The following DENND5A variants were observed in gnomAD, a reference collection of about 807,000 sequenced individuals.
DENND5A encodes the protein DENN domain containing 5A.
In DENND5A, 64 loss-of-function variants were observed where a neutral mutation model predicts 140.3. The ratio of observed to expected loss-of-function variants is 0.46; its 90% CI spans 0.37 to 0.56. The LOEUF (loss-of-function observed/expected upper bound fraction) is 0.56, where lower values mean the gene tolerates loss of function less well. Among genes scored for constraint, DENND5A ranks in the 20% least tolerant of loss-of-function variants. The pLI, the probability that DENND5A is intolerant of heterozygous loss-of-function variation, is 0.00. For missense variants in DENND5A, 1,292 were observed against 1,593.8 expected (o/e 0.81, Z 3.22); for synonymous variants, 605 against 607.7 (o/e 1.00, Z 0.07).
intron 1 of DENND5A, among the ~76,000 whole-genome samples, chr11:9,240,616 G>C (rs1433229472): frequency 1.3e-5 from 2 of 151,972 alleles, no homozygotes; most frequent in Non-Finnish European, 2.9e-5. Flanking sequence ...ACGATGAGGT[G>C]GGAGGATCAC....
chr11:9,144,418 T>C lies in DENND5A; in HGVS notation c.3123-140A>G, dbSNP rs190159035. Reference sequence around the variant, plus strand: ...CTTCAATGCTCTGCTGGTTCCACCATGTATCATCAGAGAATCACCCTGAGT... The same window carrying C: ...CTTCAATGCTCTGCTGGTTCCACCACGTATCATCAGAGAATCACCCTGAGT... On this transcript the variant is annotated intron_variant, in intron 18 of 22. Coordinates refer to ENST00000328194, the MANE Select transcript of DENND5A (RefSeq NM_015213.4). 650 of 840,916 alleles carry C rather than the reference T, an allele frequency of 7.7e-4. 1 individual carries two copies. The African/African-American group carries it at 9.5e-3, about 12-fold the overall frequency. 52.1% of individuals were successfully genotyped at this position (840,916 alleles called of 1,614,324 possible).
chr11:9,181,992 C>T (rs1265711740), intron 5 of DENND5A, among the ~76,000 whole-genome samples: 2 of 152,178 alleles, frequency 1.3e-5, no homozygotes, highest in Admixed American at 6.5e-5. Context: ...ATAGTGCTCA[C>T]ACACTGCTGA....
chr11:9,231,844 C>G (rs1176290792), intron 1 of DENND5A, among the ~76,000 whole-genome samples: 1 of 151,228 alleles, frequency 6.6e-6, no homozygotes, highest in Non-Finnish European at 1.5e-5. Context: ...AACAGACTTT[C>G]CTAACCACTA....
At chr11:9,161,940 T>A (rs1395629325) in intron 11 of DENND5A, among the ~76,000 whole-genome samples, 1 of 150,948 alleles carries the variant, frequency 6.6e-6, no homozygotes, top group Non-Finnish European at 1.5e-5. Flanking sequence ...TATATATATA[T>A]ATATATTGTC....
At chr11:9,148,270 T>C (rs1455582975) in intron 15 of DENND5A, among the ~76,000 whole-genome samples, 1 of 151,614 alleles carries the variant, frequency 6.6e-6, no homozygotes, top group East Asian at 1.9e-4. Context: ...TTGGCTGGAG[T>C]TGAGGGTTCA....
intron 12 of DENND5A, among the ~76,000 whole-genome samples, chr11:9,154,949 A>G (rs1419595283): frequency 6.6e-6 from 1 of 152,132 alleles, no homozygotes; most frequent in African/African-American, 2.4e-5. Flanking sequence ...CAGGAGTTCG[A>G]GACCAACCTG....
intron 1 of DENND5A, among the ~76,000 whole-genome samples, chr11:9,218,660 T>C (rs1483534577): frequency 6.6e-6 from 1 of 151,966 alleles, no homozygotes; most frequent in Non-Finnish European, 1.5e-5. Context: ...GAGTGAGCTG[T>C]GATCGTGTCA....
intron 1 of DENND5A, among the ~76,000 whole-genome samples, chr11:9,215,340 T>A (rs964297895): frequency 2.0e-5 from 3 of 152,214 alleles, no homozygotes; most frequent in African/African-American, 7.2e-5. Flanking sequence ...TGAGAGCCTA[T>A]CCAGTCAGGA....
intron 1 of DENND5A, among the ~76,000 whole-genome samples, chr11:9,237,755 C>A (rs1310441489): frequency 6.6e-6 from 1 of 151,990 alleles, no homozygotes; most frequent in Non-Finnish European, 1.5e-5. Context: ...TGGTGGCAAG[C>A]ACCTGTAGCC....
At chr11:9,169,015 A>G (rs1280179581) in intron 10 of DENND5A, among the ~76,000 whole-genome samples, 1 of 152,226 alleles carries the variant, frequency 6.6e-6, no homozygotes, top group Non-Finnish European at 1.5e-5. Context: ...AGGTAAATTC[A>G]AGAATCTTGG....
chr11:9,219,285 G>A (rs1232526182), intron 1 of DENND5A, among the ~76,000 whole-genome samples: 1 of 151,964 alleles, frequency 6.6e-6, no homozygotes, highest in Admixed American at 6.6e-5. Flanking sequence ...GAATGCCAGG[G>A]ACAATGAGAA....
At position 9,243,627 on chromosome 11, in the gene DENND5A, C is replaced by G. The variant is rs538832172; in HGVS notation, c.109+21334G>C. ...TCCCAGCCAGGCACGGTGGCTCACA[C>G]CTGCAATCCCAGCACGTTGGGAGGC... On this transcript the variant is annotated intron_variant, in intron 1 of 22. Coordinates refer to ENST00000328194, the MANE Select transcript of DENND5A (RefSeq NM_015213.4). Among the ~76,000 whole-genome samples, 7 of 152,330 alleles carry G rather than the reference C, an allele frequency of 4.6e-5. No individual in the cohort carries two copies. In the South Asian group the frequency reaches 1.4e-3, roughly 32 times the overall value.
chr11:9,169,006 G>A (rs1848278962), intron 10 of DENND5A, among the ~76,000 whole-genome samples: 2 of 151,974 alleles, frequency 1.3e-5, no homozygotes, highest in South Asian at 4.1e-4. Flanking sequence ...AGATTCAGGA[G>A]GTAAATTCAA....
chr11:9,139,841 G>A lies in DENND5A; in HGVS notation c.3694C>T (p.His1232Tyr). ...TCAGCCAGCAGGGCAATCCAGTGGT[G>A]TAGGAGGTGATCTCTGGCAGAGCGG... ...VCLGARDHLL[H>Y]HWIALLADCP... The change falls in exon 23 of 23, where the codon CAC (histidine) becomes TAC (tyrosine). Residue 1232 changes from histidine to tyrosine, a missense_variant. This residue lies in a region of DENND5A where 498 missense variants were observed against 689.7 expected (regional missense o/e 0.72). Transcript: ENST00000328194. 6.2e-7 allele frequency: 1 copy of A among 1,614,024 alleles called. No individual in the cohort carries two copies. Among genetic ancestry groups the A allele is most frequent in the Non-Finnish European group, 8.5e-7 (1 of 1,179,968 alleles).
intron 1 of DENND5A, among the ~76,000 whole-genome samples, chr11:9,213,811 A>AAAAAAAAAAAAAAC (rs1218431022): frequency 6.6e-6 from 1 of 150,516 alleles, no homozygotes; most frequent in African/African-American, 2.4e-5. Flanking sequence ...CGTCTCCCAA[A>AAAAAAAAAAAAAAC]AAAAAAAGAA....
At chr11:9,145,635 AT>A (rs1847403863) in intron 17 of DENND5A, 34 bp downstream of exon 17, 1 of 1,612,574 alleles carries the variant, frequency 6.2e-7, no homozygotes, top group African/African-American at 1.3e-5. Flanking sequence ...GCAAACTCAG[AT>A]CCCCACAGAG....
In DENND5A at chr11:9,157,391, C is replaced by T. The variant is rs569868042; in HGVS notation, c.2436+3322G>A. On this transcript the variant is annotated intron_variant, in intron 12 of 22. Transcript: ENST00000328194. ...GCAAGTTTGTTATATAGGTAAACTG[C>T]GTATCACAGGGGTCTGGTGTACAGA... Among the ~76,000 whole-genome samples, 197 of 152,240 alleles carry T rather than the reference C, an allele frequency of 1.3e-3. 1 individual carries two copies. The highest frequency in any genetic ancestry group is 1.9e-3 in the Non-Finnish European group (131 of 68,024).
chr11:9,164,287 G>A (rs776151579), intron 11 of DENND5A, among the ~76,000 whole-genome samples: 48 of 140,192 alleles, frequency 3.4e-4, no homozygotes, highest in Non-Finnish European at 5.0e-4. Flanking sequence ...TTCTGGGCTC[G>A]AGTGATTCAC....
intron 21 of DENND5A, 81 bp downstream of exon 21, chr11:9,142,641 T>C: frequency 6.5e-7 from 1 of 1,529,928 alleles, no homozygotes; most frequent in Non-Finnish European, 8.8e-7. Flanking sequence ...CCTCTCAGAG[T>C]GGTCAGCACC....
Sources: allele counts gnomAD v4.1 joint callset (sites outside exome capture counted in the v4.1 genomes callset), GRCh38; gene constraint gnomAD v4.1.1; regional missense constraint gnomAD v4.1.1; transcripts MANE v1.5; gene names NCBI Gene and HGNC (gene_info 2026-07-23, HGNC 2026-07-21).